The following LUZP2 variants were observed in gnomAD, a reference collection of about 807,000 sequenced individuals.
LUZP2 encodes the protein leucine zipper protein 2.
LUZP2 carries 52 observed loss-of-function variants against 51.6 expected under a neutral mutation model. The ratio of observed to expected loss-of-function variants is 1.01; its 90% CI spans 0.81 to 1.27. LUZP2 has a LOEUF of 1.27. LUZP2 is among the 50% of genes most tolerant of loss of function. LUZP2 has a pLI of 0.00. For synonymous variants in LUZP2, 154 were observed against 137.3 expected (o/e 1.12, Z -0.85); for missense variants, 436 against 395.4 (o/e 1.10, Z -0.87).
intron 7 of LUZP2, among the ~76,000 whole-genome samples, chr11:24,958,835 A>C (rs895978969): frequency 6.6e-6 from 1 of 152,154 alleles, no homozygotes; most frequent in Non-Finnish European, 1.5e-5. Context: ...GCCCATGCCT[A>C]TGTCCTGAAT....
chr11:25,045,385 C>T (rs1320517601), intron 9 of LUZP2, among the ~76,000 whole-genome samples: 2 of 147,102 alleles, frequency 1.4e-5, no homozygotes, highest in African/African-American at 5.0e-5. Flanking sequence ...TAAAGAATAA[C>T]TGAAAAAAAA....
chr11:24,545,558 T>TA (rs965513016), intron 1 of LUZP2, among the ~76,000 whole-genome samples: 1 of 149,264 alleles, frequency 6.7e-6, no homozygotes, highest in African/African-American at 2.4e-5. Flanking sequence ...TTGCTTGCTT[T>TA]TTTTTTTTTT....
chr11:24,749,891 G>T (rs535407015), intron 4 of LUZP2, among the ~76,000 whole-genome samples: 11 of 152,118 alleles, frequency 7.2e-5, no homozygotes, highest in Admixed American at 2.0e-4. Flanking sequence ...CGACTGAGCC[G>T]CTACTGCTTC....
chr11:24,502,508 T>C (rs1850026936), intron 1 of LUZP2, among the ~76,000 whole-genome samples: 1 of 152,008 alleles, frequency 6.6e-6, no homozygotes, highest in Admixed American at 6.6e-5. Flanking sequence ...CTCAGCCTCC[T>C]GAGTACCTGA....
At chr11:24,979,390 G>A (rs185455576) in intron 8 of LUZP2, among the ~76,000 whole-genome samples, 5 of 151,742 alleles carry the variant, frequency 3.3e-5, no homozygotes, top group Non-Finnish European at 7.4e-5. Context: ...ACTTCAAAAT[G>A]GATAAAAACT....
In LUZP2 at chr11:24,874,893, T is replaced by G. The variant is rs565150879; in HGVS notation, c.397-31098T>G. 1.6e-3 allele frequency among the ~76,000 whole-genome samples: 240 copies of G among 152,266 alleles called. 1 individual carries two copies. Among genetic ancestry groups the G allele is most frequent in the Non-Finnish European group, 2.6e-3 (180 of 68,020 alleles). ...GAACTGTGGCAAATATTGATAGTTT[T>G]TTCCCAAAATAGCTCTTCTCTCTAT... On this transcript the variant is annotated intron_variant, in intron 5 of 11. Transcript: ENST00000336930.
chr11:24,629,665 A>C (rs1321617037), intron 1 of LUZP2, among the ~76,000 whole-genome samples: 1 of 151,192 alleles, frequency 6.6e-6, no homozygotes, highest in Non-Finnish European at 1.5e-5. Context: ...TAAAAGTGCA[A>C]GTGTCTTTTT....
intron 9 of LUZP2, among the ~76,000 whole-genome samples, chr11:24,986,178 C>G (rs915299618): frequency 6.6e-6 from 1 of 151,614 alleles, no homozygotes; most frequent in African/African-American, 2.4e-5. Context: ...CTGGCTTATA[C>G]ATGCTTGCAA....
At chr11:24,875,259 C>T (rs1191075213) in intron 5 of LUZP2, among the ~76,000 whole-genome samples, 1 of 144,148 alleles carries the variant, frequency 6.9e-6, no homozygotes, top group Non-Finnish European at 1.5e-5. Context: ...CCCCTCCCCT[C>T]ACCCCACAAC....
chr11:24,588,183 C>T (rs1399705278), intron 1 of LUZP2, among the ~76,000 whole-genome samples: 2 of 151,754 alleles, frequency 1.3e-5, no homozygotes, highest in Non-Finnish European at 2.9e-5. Flanking sequence ...GAAAAGTCAC[C>T]TTATTAGATG....
intron 9 of LUZP2, among the ~76,000 whole-genome samples, chr11:25,002,998 A>T (rs1388284062): frequency 6.6e-6 from 1 of 152,212 alleles, no homozygotes; most frequent in Non-Finnish European, 1.5e-5. Flanking sequence ...GGTGAGAATA[A>T]GCCAGTATAG....
At chr11:24,774,395 C>CACATATATATAAAGAAT (rs1565131394) in intron 5 of LUZP2, among the ~76,000 whole-genome samples, 2 of 103,140 alleles carry the variant, frequency 1.9e-5, no homozygotes, top group African/African-American at 8.4e-5. Flanking sequence ...TACACACACA[C>CACATATATATAAAGAAT]ATATTTATAA....
intron 1 of LUZP2, among the ~76,000 whole-genome samples, chr11:24,717,409 G>GTTT (rs869281553): frequency 9.7e-5 from 13 of 134,638 alleles, no homozygotes; most frequent in African/African-American, 8.2e-5. Flanking sequence ...GAACCCAATA[G>GTTT]TTTTTTTTTT....
chr11:24,723,568 A>G (rs573750414), intron 1 of LUZP2, among the ~76,000 whole-genome samples: 1 of 152,288 alleles, frequency 6.6e-6, no homozygotes, highest in South Asian at 2.1e-4. Flanking sequence ...GCCCATGCCT[A>G]TAATCCCAGC....
chr11:24,510,524 C>T (rs1485633330), intron 1 of LUZP2, among the ~76,000 whole-genome samples: 2 of 152,142 alleles, frequency 1.3e-5, no homozygotes, highest in African/African-American at 4.8e-5. Context: ...TTCTCTCACA[C>T]ATAAGTTATG....
intron 5 of LUZP2, among the ~76,000 whole-genome samples, chr11:24,849,372 CAT>C (rs374152752): frequency 1.5e-3 from 221 of 152,176 alleles, no homozygotes; most frequent in African/African-American, 5.2e-3. Context: ...TGAGTGAAAA[CAT>C]GTGGTGTTTG....
chr11:25,071,634 A>G (rs1044134093), intron 10 of LUZP2, among the ~76,000 whole-genome samples: 1 of 151,712 alleles, frequency 6.6e-6, no homozygotes, highest in Non-Finnish European at 1.5e-5. Flanking sequence ...TTAAACTTAC[A>G]CAGGGTGGGG....
At chr11:24,581,303 G>T (rs1852845322) in intron 1 of LUZP2, among the ~76,000 whole-genome samples, 1 of 151,838 alleles carries the variant, frequency 6.6e-6, no homozygotes, top group South Asian at 2.1e-4. Flanking sequence ...ATCCTAGTTT[G>T]TGCATCTCCA....
At chr11:24,543,568 C>T (rs1423253445) in intron 1 of LUZP2, among the ~76,000 whole-genome samples, 1 of 151,950 alleles carries the variant, frequency 6.6e-6, no homozygotes, top group Non-Finnish European at 1.5e-5. Flanking sequence ...GGAATCAATG[C>T]CCAGCACTTT....
Sources: gnomAD v4.1 joint callset for allele counts (sites outside exome capture counted in the v4.1 genomes callset) on GRCh38, gnomAD v4.1.1 for gene constraint, MANE v1.5 for transcripts, NCBI Gene and HGNC (gene_info 2026-07-23, HGNC 2026-07-21) for gene names.